The following SGSM1 variants were observed in gnomAD, a reference collection of about 807,000 sequenced individuals.
SGSM1 encodes the protein small G protein signaling modulator 1.
SGSM1 carries 73 observed loss-of-function variants against 133.8 expected under a neutral mutation model. The ratio of observed to expected loss-of-function variants is 0.55; its 90% CI spans 0.45 to 0.66. SGSM1 has a LOEUF of 0.66. Ranked by LOEUF, SGSM1 falls within the 30% of genes least tolerant of loss-of-function variation. SGSM1 has a pLI of 0.00. For missense variants in SGSM1, 1,213 were observed against 1,448.1 expected (o/e 0.84, Z 2.64); for synonymous variants, 563 against 573.0 (o/e 0.98, Z 0.25).
chr22:24,838,811 TC>T (rs1929625844), intron 2 of SGSM1, among the ~76,000 whole-genome samples: 1 of 152,160 alleles, frequency 6.6e-6, no homozygotes, highest in African/African-American at 2.4e-5. Context: ...GTATGAGACC[TC>T]GAACTTCATT....
chr22:24,850,174 C>T (rs540660900), intron 4 of SGSM1, 106 bp from the exon 5 acceptor site: 2 of 1,195,850 alleles, frequency 1.7e-6, no homozygotes, highest in South Asian at 3.2e-5. Context: ...GTTTAGCTGC[C>T]ATTCCTTCAT....
At chr22:24,850,711 CTG>C (rs1930406394) in intron 5 of SGSM1, among the ~76,000 whole-genome samples, 1 of 152,228 alleles carries the variant, frequency 6.6e-6, no homozygotes, top group South Asian at 2.1e-4. Context: ...CTTAGCCTCT[CTG>C]TGCCCGTTAT....
intron 13 of SGSM1, among the ~76,000 whole-genome samples, chr22:24,878,956 T>G (rs982064179): frequency 6.6e-6 from 1 of 152,190 alleles, no homozygotes; most frequent in Non-Finnish European, 1.5e-5. Context: ...GAAATAGGAA[T>G]CTCTGTTTCT....
At chr22:24,867,307 G>C (rs937438912) in intron 10 of SGSM1, 147 bp downstream of exon 10, 1 of 695,330 alleles carries the variant, frequency 1.4e-6, no homozygotes, top group South Asian at 1.7e-5. Flanking sequence ...CGACCTCACC[G>C]CTCTGTGCCT....
chr22:24,876,523 C>A, intron 12 of SGSM1, 54 bp from the exon 13 acceptor site: 1 of 1,605,424 alleles, frequency 6.2e-7, no homozygotes, highest in Non-Finnish European at 8.5e-7. Context: ...ATTTCTGTGA[C>A]CCACATAGGT....
chr22:24,894,322 G>A (rs958612944), intron 17 of SGSM1, among the ~76,000 whole-genome samples: 2 of 152,224 alleles, frequency 1.3e-5, no homozygotes, highest in Non-Finnish European at 2.9e-5. Flanking sequence ...AAACCCGGGA[G>A]GCGGAAGTTG....
At chr22:24,890,554 T>A (rs955021869) in intron 16 of SGSM1, among the ~76,000 whole-genome samples, 16 of 152,206 alleles carry the variant, frequency 1.1e-4, no homozygotes, top group African/African-American at 2.4e-4. Context: ...TATTATTATT[T>A]TTTTGAGGTG....
chr22:24,834,575 G>A (rs946327072), intron 2 of SGSM1, among the ~76,000 whole-genome samples: 17 of 152,072 alleles, frequency 1.1e-4, no homozygotes, highest in African/African-American at 3.6e-4. Context: ...CAGCTTGAAC[G>A]ACATAAACTG....
intron 2 of SGSM1, among the ~76,000 whole-genome samples, chr22:24,829,404 G>GA (rs1383323812): frequency 1.3e-5 from 2 of 152,020 alleles, no homozygotes; most frequent in Non-Finnish European, 2.9e-5. Flanking sequence ...GGGAGGAGCA[G>GA]AAAAAAATAA....
intron 14 of SGSM1, among the ~76,000 whole-genome samples, chr22:24,882,518 G>C (rs1932387198): frequency 6.6e-6 from 1 of 152,154 alleles, no homozygotes; most frequent in Non-Finnish European, 1.5e-5. Flanking sequence ...TTCATTTGGA[G>C]AACGTTACGG....
chr22:24,842,266 C>A (rs1929849403), intron 2 of SGSM1, among the ~76,000 whole-genome samples: 1 of 152,130 alleles, frequency 6.6e-6, no homozygotes, highest in South Asian at 2.1e-4. Flanking sequence ...AGGAGCTCAG[C>A]CCCTGGAGTC....
intron 2 of SGSM1, among the ~76,000 whole-genome samples, chr22:24,818,306 C>A (rs528570957): frequency 1.1e-3 from 167 of 152,154 alleles, no homozygotes; most frequent in African/African-American, 3.9e-3. Context: ...ATCCTCATGG[C>A]TTAAATTACC....
At chr22:24,860,567 G>A (rs6004323) in intron 9 of SGSM1, among the ~76,000 whole-genome samples, 22,071 of 151,846 alleles carry the variant, frequency 0.15, 1,755 homozygotes, top group South Asian at 0.25. Flanking sequence ...GGTACCCATC[G>A]CCCTGCCCTC....
chr22:24,850,206 C>T, intron 4 of SGSM1, 74 bp from the exon 5 acceptor site: 1 of 1,395,734 alleles, frequency 7.2e-7, no homozygotes, highest in South Asian at 1.4e-5. Flanking sequence ...ATTGAACATT[C>T]TCCCATTTGC....
intron 22 of SGSM1, among the ~76,000 whole-genome samples, chr22:24,915,943 T>A (rs1420782786): frequency 2.0e-5 from 3 of 152,186 alleles, no homozygotes; most frequent in African/African-American, 7.2e-5. Flanking sequence ...ATAATTAGAG[T>A]CATTTGTACA....
chr22:24,882,036 C>T (rs1032714366), intron 14 of SGSM1, among the ~76,000 whole-genome samples: 3 of 151,850 alleles, frequency 2.0e-5, no homozygotes, highest in Non-Finnish European at 4.4e-5. Context: ...AATCCAGCTT[C>T]AATTTTTGTA....
intron 2 of SGSM1, among the ~76,000 whole-genome samples, chr22:24,828,428 A>G (rs1383544718): frequency 6.6e-6 from 1 of 152,054 alleles, no homozygotes; most frequent in East Asian, 1.9e-4. Flanking sequence ...AGAAAAGAAA[A>G]CCTCATTAAA....
chr22:24,874,717 C>T (rs1056708426), intron 12 of SGSM1: 9 of 1,173,286 alleles, frequency 7.7e-6, no homozygotes, highest in Middle Eastern at 3.0e-4. Context: ...TCCTGCTGTC[C>T]AGCCTCCACT....
At chr22:24,870,903 A>G (rs1601941409) in intron 12 of SGSM1, among the ~76,000 whole-genome samples, 3 of 152,310 alleles carry the variant, frequency 2.0e-5, no homozygotes, top group Admixed American at 2.0e-4. Context: ...TTGCTTGGCA[A>G]CTAACCCTTT....
Sources: allele counts gnomAD v4.1 joint callset (sites outside exome capture counted in the v4.1 genomes callset), GRCh38; gene constraint gnomAD v4.1.1; transcripts MANE v1.5; gene names NCBI Gene and HGNC (gene_info 2026-07-23, HGNC 2026-07-21).